CYP7B1: variants seen among roughly 807,000 people sequenced by gnomAD.
The protein encoded by CYP7B1 is cytochrome P450 family 7 subfamily B member 1.
CYP7B1 carries 29 observed loss-of-function variants against 42.7 expected under a neutral mutation model. That is an observed-to-expected ratio of 0.68 (90% CI 0.51 to 0.93). The LOEUF (loss-of-function observed/expected upper bound fraction) is 0.93. Ranked by LOEUF, CYP7B1 falls within the 40% of genes least tolerant of loss-of-function variation. The pLI is 0.00. For missense variants in CYP7B1, 655 were observed against 600.5 expected (o/e 1.09, Z -0.95); for synonymous variants, 235 against 218.2 (o/e 1.08, Z -0.68).
chr8:64,786,638 C>T (rs1804532528), intron 1 of CYP7B1, among the ~76,000 whole-genome samples: 1 of 152,196 alleles, frequency 6.6e-6, no homozygotes, highest in Non-Finnish European at 1.5e-5. Flanking sequence ...TTTCCAGGTG[C>T]TCAGTGCAAG....
chr8:64,610,744 T>C (rs897306108), intron 4 of CYP7B1, among the ~76,000 whole-genome samples: 5 of 152,086 alleles, frequency 3.3e-5, no homozygotes, highest in African/African-American at 1.2e-4. Context: ...ATCAGTAATA[T>C]ATATCTTATA....
chr8:64,613,937 G>A (rs1805397017), intron 4 of CYP7B1, among the ~76,000 whole-genome samples: 1 of 151,934 alleles, frequency 6.6e-6, no homozygotes, highest in South Asian at 2.1e-4. Context: ...TAAAGAACCT[G>A]GAACATATTT....
intron 1 of CYP7B1, among the ~76,000 whole-genome samples, chr8:64,643,039 T>G (rs145259880): frequency 7.2e-6 from 1 of 139,782 alleles, no homozygotes; most frequent in African/African-American, 2.7e-5. Flanking sequence ...TTTGTATTAG[T>G]CAGTGTTCTC....
chr8:64,637,726 G>A (rs1267233796), intron 1 of CYP7B1, among the ~76,000 whole-genome samples: 2 of 151,992 alleles, frequency 1.3e-5, no homozygotes, highest in East Asian at 3.8e-4. Context: ...CCTCCCACAT[G>A]TTTTGTGAAA....
chr8:64,726,906 T>C (rs1267542783), intron 1 of CYP7B1, among the ~76,000 whole-genome samples: 1 of 152,144 alleles, frequency 6.6e-6, no homozygotes, highest in Admixed American at 6.5e-5. Context: ...CTCAGGCTGA[T>C]GGAGCCACTT....
intron 1 of CYP7B1, among the ~76,000 whole-genome samples, chr8:64,787,750 T>C (rs1434728298): frequency 2.0e-5 from 3 of 152,212 alleles, no homozygotes; most frequent in Admixed American, 1.3e-4. Context: ...TCTACTGTAT[T>C]AGTCCATTTT....
chr8:64,716,729 C>T (rs1433998336), intron 1 of CYP7B1, among the ~76,000 whole-genome samples: 1 of 151,994 alleles, frequency 6.6e-6, no homozygotes, highest in Non-Finnish European at 1.5e-5. Flanking sequence ...AAATAAAATA[C>T]TCTGTAATAC....
intron 1 of CYP7B1, among the ~76,000 whole-genome samples, chr8:64,664,360 T>C (rs1806244148): frequency 1.3e-5 from 2 of 152,334 alleles, no homozygotes; most frequent in Non-Finnish European, 2.9e-5. Context: ...TAATAATAGC[T>C]ATTATTTATA....
intron 1 of CYP7B1, among the ~76,000 whole-genome samples, chr8:64,624,903 C>G (rs138537192): frequency 6.6e-6 from 1 of 150,714 alleles, no homozygotes; most frequent in Non-Finnish European, 1.5e-5. Flanking sequence ...CCATCCCACC[C>G]TTCCCCCTGG....
chr8:64,649,269 T>G (rs1806001350), intron 1 of CYP7B1, among the ~76,000 whole-genome samples: 1 of 152,260 alleles, frequency 6.6e-6, no homozygotes, highest in African/African-American at 2.4e-5. Context: ...TCTATCATAC[T>G]GACTACTGTA....
At chr8:64,775,405 G>A (rs1464702857) in intron 1 of CYP7B1, among the ~76,000 whole-genome samples, 6 of 151,998 alleles carry the variant, frequency 3.9e-5, no homozygotes, top group Admixed American at 6.6e-5. Flanking sequence ...CGGCATTTTG[G>A]GAACTAATAA....
At chr8:64,667,335 C>A (rs1806296696) in intron 1 of CYP7B1, among the ~76,000 whole-genome samples, 1 of 152,058 alleles carries the variant, frequency 6.6e-6, no homozygotes, top group Non-Finnish European at 1.5e-5. Flanking sequence ...CATATCAATC[C>A]CCGTGCAATA....
intron 1 of CYP7B1, among the ~76,000 whole-genome samples, chr8:64,744,287 T>C (rs1346656888): frequency 6.6e-6 from 1 of 152,134 alleles, no homozygotes; most frequent in Non-Finnish European, 1.5e-5. Flanking sequence ...CCATAAGATA[T>C]CAAATCATCC....
rs1294444164 is a variant in CYP7B1 at position 64,619,963 on chromosome 8, T to C, written c.260-3682A>G. 3.9e-5 allele frequency among the ~76,000 whole-genome samples: 6 copies of C among 152,034 alleles called. 1 individual carries two copies. Among genetic ancestry groups the C allele is most frequent in the Admixed American group, 3.9e-4 (6 of 15,238 alleles). ...AAATATAACCAAGGCCAGAGGATCA[T>C]TTGAGGCCAGGAGTTCAAGACCAAC... On this transcript the variant is annotated intron_variant, in intron 2 of 5. Transcript: ENST00000310193.
At chr8:64,719,350 G>A (rs537788931) in intron 1 of CYP7B1, among the ~76,000 whole-genome samples, 2 of 152,272 alleles carry the variant, frequency 1.3e-5, no homozygotes, top group African/African-American at 2.4e-5. Context: ...TAAATCAGTA[G>A]TGAGTGCAGC....
chr8:64,671,372 T>C (rs1806364924), intron 1 of CYP7B1, among the ~76,000 whole-genome samples: 1 of 150,774 alleles, frequency 6.6e-6, no homozygotes, highest in South Asian at 2.2e-4. Flanking sequence ...GTAATCATTA[T>C]TTTTAAAAAA....
chr8:64,755,830 T>A (rs1807800081), intron 1 of CYP7B1, among the ~76,000 whole-genome samples: 1 of 152,214 alleles, frequency 6.6e-6, no homozygotes, highest in Non-Finnish European at 1.5e-5. Context: ...GGTCTACTAA[T>A]GGAAAGAATG....
At chr8:64,661,891 G>A (rs1386709357) in intron 1 of CYP7B1, among the ~76,000 whole-genome samples, 1 of 152,118 alleles carries the variant, frequency 6.6e-6, no homozygotes, top group Admixed American at 6.6e-5. Flanking sequence ...CTCAATAGAG[G>A]AAAAGGCAAA....
At position 64,643,515 on chromosome 8, in the gene CYP7B1, G is replaced by C. The variant is rs1004750772; in HGVS notation, c.123-18976C>G. Among the ~76,000 whole-genome samples, 18 of 152,260 alleles carry C rather than the reference G, an allele frequency of 1.2e-4. 1 individual carries two copies. Among genetic ancestry groups the C allele is most frequent in the South Asian group, 8.3e-4 (4 of 4,820 alleles). On this transcript the variant is annotated intron_variant, in intron 1 of 5. Transcript: ENST00000310193. ...TCTTGCCTCGATGTTGATGACTGCT[G>C]ACTGATTAGGGTGGTGATTACTGAA...
Sources: gnomAD v4.1 joint callset for allele counts (sites outside exome capture counted in the v4.1 genomes callset) on GRCh38, gnomAD v4.1.1 for gene constraint, MANE v1.5 for transcripts, NCBI Gene and HGNC (gene_info 2026-07-23, HGNC 2026-07-21) for gene names.